Variants in RGS3 observed in about 807,000 individuals in gnomAD.
RGS3 encodes regulator of G protein signaling 3, also known as regulator of G-protein signalling 3.
In RGS3, 80 loss-of-function variants were observed where a neutral mutation model predicts 132.6. That is an observed-to-expected ratio of 0.60 (90% CI 0.50 to 0.73). The LOEUF is 0.73. Among genes scored for constraint, RGS3 ranks in the 30% least tolerant of loss-of-function variants. RGS3 has a pLI of 0.00. For missense variants in RGS3, 1,382 were observed against 1,530.8 expected, an observed-to-expected ratio of 0.90 and a Z score of 1.62; for synonymous variants, 598 against 620.6, an observed-to-expected ratio of 0.96 and a Z score of 0.54.
At chr9:113,541,538 G>A in intron 19 of RGS3, 1 of 1,497,948 alleles carries the variant, frequency 6.7e-7, no homozygotes, top group Non-Finnish European at 8.9e-7. Flanking sequence ...CCAAGATGGT[G>A]GGTCTAGGGT....
chr9:113,536,992 C>A, intron 19 of RGS3, 74 bp downstream of exon 17: 1 of 1,465,298 alleles, frequency 6.8e-7, no homozygotes, highest in Admixed American at 1.8e-5. Flanking sequence ...TGAGCCTCTG[C>A]ATTGAGCTGG....
intron 3 of RGS3, among the ~76,000 whole-genome samples, chr9:113,470,819 G>T (rs925940685): frequency 3.3e-5 from 5 of 152,102 alleles, no homozygotes; most frequent in Non-Finnish European, 7.3e-5. Context: ...AAAAAAATTA[G>T]CTGGGCATGA....
intron 3 of RGS3, among the ~76,000 whole-genome samples, chr9:113,470,796 C>T (rs1370489300): frequency 1.3e-5 from 2 of 152,090 alleles, no homozygotes; most frequent in Non-Finnish European, 2.9e-5. Context: ...GAGAGCTCAT[C>T]TCTACAAAAA....
chr9:113,555,924 A>G (rs1180687879), intron 19 of RGS3, among the ~76,000 whole-genome samples: 1 of 152,070 alleles, frequency 6.6e-6, no homozygotes, highest in African/African-American at 2.4e-5. Context: ...TGACTTCTCG[A>G]TTTTAATTCA....
Position 113,565,422 on chromosome 9 carries a change from G to A in RGS3, c.2038-18028G>A. 2 of 1,266,618 alleles carry A rather than the reference G, an allele frequency of 1.6e-6. No individual in the cohort carries two copies. The highest frequency in any genetic ancestry group is 2.3e-4 in the Middle Eastern group (1 of 4,326). 78.5% of individuals were successfully genotyped at this position (1,266,618 alleles called of 1,614,324 possible). On this transcript the variant is annotated intron_variant, in intron 19 of 24. Coordinates refer to ENST00000350696, the Ensembl canonical transcript of RGS3. The surrounding 1 kb of genome is among the most constrained non-coding windows in gnomAD (Gnocchi z 5.7). ...AGGAGGAGGACAAGTAGGAGGAGGAGGAAGAGGAGGAGGGACGGGTGATGC... is the reference window on the plus strand; with the variant it reads ...AGGAGGAGGACAAGTAGGAGGAGGAAGAAGAGGAGGAGGGACGGGTGATGC...
intron 19 of RGS3, among the ~76,000 whole-genome samples, chr9:113,567,232 C>T (rs1834053716): frequency 6.6e-6 from 1 of 151,234 alleles, no homozygotes; most frequent in Admixed American, 6.6e-5. Flanking sequence ...CCCCTCCCCT[C>T]CCCTCCCCTC....
In RGS3 at chr9:113,579,576, A is replaced by C. The variant is rs1305882437; in HGVS notation, c.2038-3874A>C. On this transcript the variant is annotated intron_variant, in intron 19 of 24. Coordinates refer to ENST00000350696, the Ensembl canonical transcript of RGS3. This position sits in a 1 kb window ranked among gnomAD's most constrained non-coding sequence, Gnocchi z 4.3. ...TCTAGACCCAAGGCCCTGGGTGAGCAAGCTGGTCTTCCTGGGGCGCCCTGG... is the reference window on the plus strand; with the variant it reads ...TCTAGACCCAAGGCCCTGGGTGAGCCAGCTGGTCTTCCTGGGGCGCCCTGG... Among the ~76,000 whole-genome samples, 1 of 152,150 alleles carries C rather than the reference A, an allele frequency of 6.6e-6. No individual in the cohort carries two copies. Among genetic ancestry groups the C allele is most frequent in the East Asian group, 1.9e-4 (1 of 5,196 alleles).
At chr9:113,595,324 A>T (rs993585536) in intron 23 of RGS3, 5 of 551,734 alleles carry the variant, frequency 9.1e-6, no homozygotes, top group Non-Finnish European at 1.6e-5. Context: ...GCAGGGTCCC[A>T]TCGGCTCCTC....
intron 19 of RGS3, chr9:113,541,798 C>A: frequency 3.0e-6 from 3 of 997,994 alleles, no homozygotes; most frequent in Non-Finnish European, 3.6e-6. Flanking sequence ...AGAACAATGC[C>A]ATGATCTGCT....
chr9:113,507,680 C>G lies in RGS3; in HGVS notation c.1437+42C>G, dbSNP rs2119330147. 4.3e-6 allele frequency: 6 copies of G among 1,406,530 alleles called. No homozygotes were observed. The South Asian group carries it at 8.3e-5, about 20-fold the overall frequency. 87.1% of individuals were successfully genotyped at this position (1,406,530 alleles called of 1,614,324 possible). On this transcript the variant is annotated intron_variant, in intron 13 of 24. Transcript: ENST00000350696. This position sits in a 1 kb window ranked among gnomAD's most constrained non-coding sequence, Gnocchi z 5.0. Reference sequence around the variant, plus strand: ...TGGGGAAGGTGAAGGGTACTGGGTCCCTGTGGGAGGCCAGGAAGACTTGAA... The same window carrying G: ...TGGGGAAGGTGAAGGGTACTGGGTCGCTGTGGGAGGCCAGGAAGACTTGAA...
intron 19 of RGS3, among the ~76,000 whole-genome samples, chr9:113,548,373 G>GGA (rs1833199866): frequency 6.6e-6 from 1 of 152,238 alleles, no homozygotes; most frequent in Admixed American, 6.5e-5. Context: ...AGTGGCGTGG[G>GGA]GAGAGGTTGT....
chr9:113,501,464 T>C, intron 10 of RGS3: 1 of 1,502,242 alleles, frequency 6.7e-7, no homozygotes, highest in African/African-American at 1.4e-5. Flanking sequence ...CATTCTTCTG[T>C]GGGGCGGGCT....
In RGS3 at chr9:113,482,983, A is replaced by G. The variant is rs546446776; in HGVS notation, c.467-76A>G. 2.0e-5 allele frequency: 32 copies of G among 1,609,002 alleles called. 1 individual carries two copies. In the South Asian group the frequency reaches 2.9e-4, roughly 14 times the overall value. ...TTTATTCGTGTGGATGGATATGTCTATGTGTGTCTCTCTTTCTCGCTGTGT... is the reference window on the plus strand; with the variant it reads ...TTTATTCGTGTGGATGGATATGTCTGTGTGTGTCTCTCTTTCTCGCTGTGT... On this transcript the variant is annotated intron_variant, in intron 4 of 24. Transcript: ENST00000350696.
chr9:113,564,597 G>A (rs538864572), intron 19 of RGS3, among the ~76,000 whole-genome samples: 3 of 152,270 alleles, frequency 2.0e-5, no homozygotes, highest in Admixed American at 6.5e-5. Flanking sequence ...CACTGCCCCC[G>A]CAGTTCCTCC....
chr9:113,448,803 A>G (rs1482635027), intron 1 of RGS3, among the ~76,000 whole-genome samples: 1 of 152,236 alleles, frequency 6.6e-6, no homozygotes, highest in Non-Finnish European at 1.5e-5. Context: ...ATAATCCAGC[A>G]GTGTGAGGTA....
At chr9:113,562,302 C>T (rs528084001) in intron 19 of RGS3, among the ~76,000 whole-genome samples, 4 of 151,986 alleles carry the variant, frequency 2.6e-5, no homozygotes, top group Admixed American at 2.0e-4. Context: ...ATGGTGAAAC[C>T]CCACCTCTAC....
chr9:113,512,596 G>A (rs1307447674), intron 14 of RGS3, among the ~76,000 whole-genome samples: 1 of 152,154 alleles, frequency 6.6e-6, no homozygotes, highest in African/African-American at 2.4e-5. Context: ...TTATCTCCGA[G>A]GCTGTGGGTG....
At chr9:113,500,840 A>G (rs948252333) in intron 10 of RGS3, among the ~76,000 whole-genome samples, 3 of 152,002 alleles carry the variant, frequency 2.0e-5, no homozygotes, top group Non-Finnish European at 4.4e-5. Context: ...GGCGCCTGCC[A>G]CCACGCCCAG....
rs1159894983 is a variant in RGS3 at position 113,506,390 on chromosome 9, G to A, written c.982G>A (p.Gly328Ser). ...ATGGCTTTTCTTTGTCCCTGCAGGG[G>A]GTCCGGCGGAACGGGCAGGGCTGCA... Residue 328 changes from glycine to serine, a missense_variant and splice_region_variant, in exon 12 of 25, where the codon GGT becomes AGT. Transcript: ENST00000350696. This position sits in a 1 kb window ranked among gnomAD's most constrained non-coding sequence, Gnocchi z 4.7. The A allele has an allele frequency of 6.3e-7, 1 of 1,582,692 alleles. No homozygotes were observed. The highest frequency in any genetic ancestry group is 8.6e-7 in the Non-Finnish European group (1 of 1,164,908).
Sources: gnomAD v4.1 joint callset for allele counts (sites outside exome capture counted in the v4.1 genomes callset) on GRCh38, gnomAD v4.1.1 for gene constraint, Gnocchi (gnomAD v3.1) non-coding constraint, MANE v1.5 for transcripts, NCBI Gene and HGNC (gene_info 2026-07-23, HGNC 2026-07-21) for gene names.